Variants in FBXL13 observed in about 807,000 individuals in gnomAD.
The protein encoded by FBXL13 is F-box and leucine rich repeat protein 13.
FBXL13 carries 67 observed loss-of-function variants against 83.6 expected under a neutral mutation model. The ratio of observed to expected loss-of-function variants is 0.80; its 90% confidence interval spans 0.66 to 0.98. The LOEUF is 0.98. Among genes scored for constraint, FBXL13 ranks in the 50% least tolerant of loss-of-function variants. The probability of loss-of-function intolerance (pLI) is 0.00; values close to 1 mark genes in which losing one functional copy is unlikely to be tolerated. For synonymous variants in FBXL13, 272 were observed against 299.5 expected (o/e 0.91, Z 0.95); for missense variants, 822 against 866.5 (o/e 0.95, Z 0.64).
intron 11 of FBXL13, among the ~76,000 whole-genome samples, chr7:102,906,734 T>C (rs950162326): frequency 6.6e-6 from 1 of 152,190 alleles, no homozygotes; most frequent in Non-Finnish European, 1.5e-5. Context: ...AGCTCCATTG[T>C]ATGTTATTTG....
rs138633677 is a variant in FBXL13 at position 102,978,520 on chromosome 7, G to C, written c.496-10403C>G. 570 of 154,932 alleles carry C rather than the reference G, an allele frequency of 3.7e-3. 5 individuals carry two copies. The highest frequency in any genetic ancestry group is 0.014 in the African/African-American group (563 of 41,602). 9.6% of individuals were successfully genotyped at this position (154,932 alleles called of 1,614,324 possible). A position where few individuals can be genotyped will look rare whatever the true frequency, so the allele number is the denominator to read the frequency against. ...TGAAGATTGAGAAAGAGGCCATCCA[G>C]GTACCACATAGCAGTTACATCAGAC... is the stretch of plus-strand genomic sequence containing the variant. On this transcript the variant is annotated intron_variant, in intron 6 of 19. Coordinates refer to ENST00000313221, the Ensembl canonical transcript of FBXL13.
At chr7:103,067,269 G>C (rs956358989) in intron 1 of FBXL13, among the ~76,000 whole-genome samples, 6 of 152,154 alleles carry the variant, frequency 3.9e-5, no homozygotes, top group African/African-American at 1.4e-4. Flanking sequence ...TTTTACCAGG[G>C]ATGGGTGTTT....
intron 5 of FBXL13, among the ~76,000 whole-genome samples, chr7:103,026,087 C>T (rs927093661): frequency 6.6e-6 from 1 of 151,912 alleles, no homozygotes; most frequent in Non-Finnish European, 1.5e-5. Flanking sequence ...ACATTACGCT[C>T]AGCATATGGA....
At chr7:102,941,855 A>G (rs1821520470) in intron 8 of FBXL13, among the ~76,000 whole-genome samples, 1 of 152,248 alleles carries the variant, frequency 6.6e-6, no homozygotes, top group Non-Finnish European at 1.5e-5. Flanking sequence ...TAGTATACAA[A>G]GAAAACTTGA....
intron 16 of FBXL13, among the ~76,000 whole-genome samples, chr7:102,870,454 A>G (rs1167922778): frequency 1.3e-5 from 2 of 152,226 alleles, no homozygotes; most frequent in South Asian, 2.1e-4. Flanking sequence ...TAGAAAAAAT[A>G]ATGTCATAAA....
intron 16 of FBXL13, among the ~76,000 whole-genome samples, chr7:102,861,660 T>C (rs1166232947): frequency 6.6e-6 from 1 of 152,176 alleles, no homozygotes; most frequent in East Asian, 1.9e-4. Flanking sequence ...TATAGTAACA[T>C]ACTTAGGTTC....
intron 6 of FBXL13, among the ~76,000 whole-genome samples, chr7:102,994,890 A>G (rs1369668301): frequency 1.3e-5 from 2 of 152,130 alleles, no homozygotes; most frequent in Admixed American, 6.5e-5. Context: ...AACTCAGAGT[A>G]TGTGTGTGAG....
intron 1 of FBXL13, among the ~76,000 whole-genome samples, chr7:103,056,065 T>C (rs1046592050): frequency 1.3e-5 from 2 of 152,146 alleles, no homozygotes; most frequent in African/African-American, 4.8e-5. Flanking sequence ...TGCATCCTCA[T>C]AGTTTAGCTC....
At chr7:102,921,707 A>G (rs897981447) in intron 10 of FBXL13, among the ~76,000 whole-genome samples, 1 of 152,014 alleles carries the variant, frequency 6.6e-6, no homozygotes, top group Non-Finnish European at 1.5e-5. Flanking sequence ...AAAATAAAAG[A>G]AGCTCTGTTT....
chr7:102,826,744 T>TAC (rs1799736606), intron 18 of FBXL13, among the ~76,000 whole-genome samples: 1 of 95,716 alleles, frequency 1.0e-5, no homozygotes, highest in African/African-American at 5.1e-5. Flanking sequence ...TATATATATA[T>TAC]ATATATATAT....
chr7:103,056,467 C>CT (rs921213130), intron 1 of FBXL13, among the ~76,000 whole-genome samples: 9 of 151,268 alleles, frequency 5.9e-5, no homozygotes, highest in African/African-American at 9.7e-5. Flanking sequence ...TACTAGTTTA[C>CT]TTTTTTTTTG....
At position 102,939,479 on chromosome 7, in the gene FBXL13, C is replaced by T. The variant is rs139645764; in HGVS notation, c.725-7546G>A. On this transcript the variant is annotated intron_variant, in intron 8 of 19. Coordinates refer to ENST00000313221, the Ensembl canonical transcript of FBXL13. ...TCCCTCCAGATATTGTTAAACTTGA[C>T]TTGTCATACAATAAAATCAACCAAC... 2,164 of 1,613,606 alleles carry T rather than the reference C, an allele frequency of 1.3e-3. 4 individuals are homozygous for T. Among genetic ancestry groups the T allele is most frequent in the Non-Finnish European group, 1.5e-3 (1,715 of 1,179,844 alleles).
At chr7:102,985,477 C>T (rs1828830281) in intron 6 of FBXL13, among the ~76,000 whole-genome samples, 1 of 152,172 alleles carries the variant, frequency 6.6e-6, no homozygotes, top group Non-Finnish European at 1.5e-5. Context: ...CATGTTACAA[C>T]TCAGGGGCAG....
Position 102,943,336 on chromosome 7 carries a change from CAA to C in FBXL13, c.725-11405_725-11404del, listed in dbSNP as rs58320878. Among the ~76,000 whole-genome samples, 2,219 of 142,378 alleles carry C rather than the reference CAA, an allele frequency of 0.016. 92 individuals carry two copies. In the East Asian group the frequency reaches 0.17, roughly 11 times the overall value. The allele number at this position is 142,378 out of a possible 152,430, so 93.4% of individuals were successfully genotyped here. Reference sequence around the variant, plus strand: ...GCATCTTTTTTTCCCAAGTAAATACCAAAAAAAAAAAAAGCCCAAAATACATT... The same window carrying C: ...GCATCTTTTTTTCCCAAGTAAATACCAAAAAAAAAAAGCCCAAAATACATT... On this transcript the variant is annotated intron_variant, in intron 8 of 19. Coordinates refer to ENST00000313221, the Ensembl canonical transcript of FBXL13.
chr7:102,847,517 A>AT (rs908697401), intron 17 of FBXL13, among the ~76,000 whole-genome samples: 13 of 151,416 alleles, frequency 8.6e-5, no homozygotes, highest in Non-Finnish European at 1.5e-4. Context: ...TTAACACTCA[A>AT]TTTTTTTTTC....
At chr7:102,848,101 T>C (rs1804355620) in intron 17 of FBXL13, among the ~76,000 whole-genome samples, 1 of 152,142 alleles carries the variant, frequency 6.6e-6, no homozygotes, top group African/African-American at 2.4e-5. Flanking sequence ...TGCCAGTCCT[T>C]CTGGTGCATC....
Position 103,034,673 on chromosome 7 carries a change from G to GCT in FBXL13, c.1-5257_1-5256dup, listed in dbSNP as rs568897805. Reference sequence around the variant, plus strand: ...CCACAGTGCAGTGGCAGGCTGAAAGGCTCCTAAAGTGCCGCCAAAGTGGGA... The same window carrying GCT: ...CCACAGTGCAGTGGCAGGCTGAAAGGCTCTCCTAAAGTGCCGCCAAAGTGGGA... On this transcript the variant is annotated intron_variant, in intron 2 of 19. Transcript: ENST00000313221. 6.2e-3 allele frequency among the ~76,000 whole-genome samples: 944 copies of GCT among 152,340 alleles called. 4 individuals carry two copies. The highest frequency in any genetic ancestry group is 9.2e-3 in the Non-Finnish European group (625 of 68,016).
intron 8 of FBXL13, among the ~76,000 whole-genome samples, chr7:102,955,918 G>A (rs184928002): frequency 6.6e-6 from 1 of 152,078 alleles, no homozygotes; most frequent in East Asian, 1.9e-4. Context: ...AAAAGACCAG[G>A]ACCAGACGGA....
At chr7:102,963,332 AG>A in intron 8 of FBXL13, among the ~76,000 whole-genome samples, 200 bp downstream of exon 9, 1 of 151,904 alleles carries the variant, frequency 6.6e-6, no homozygotes, top group Non-Finnish European at 1.5e-5. Flanking sequence ...AAAAAAAAAA[AG>A]AATAGACAAA....
Sources: gnomAD v4.1 joint callset for allele counts (sites outside exome capture counted in the v4.1 genomes callset) on GRCh38, gnomAD v4.1.1 for gene constraint, MANE v1.5 for transcripts, NCBI Gene and HGNC (gene_info 2026-07-23, HGNC 2026-07-21) for gene names.